The following RBMS3 variants were observed in gnomAD, a reference collection of about 807,000 sequenced individuals.
The protein encoded by RBMS3 is RNA binding motif single stranded interacting protein 3.
In RBMS3, 27 loss-of-function variants were observed where a neutral mutation model predicts 66.8. The observed-to-expected ratio is 0.40, with a 90% CI of 0.30 to 0.56. The LOEUF is 0.56. Ranked by LOEUF, RBMS3 falls within the 20% of genes least tolerant of loss-of-function variation. RBMS3 has a pLI of 0.40. For missense variants in RBMS3, 513 were observed against 549.5 expected, an observed-to-expected ratio of 0.93 and a Z score of 0.66; for synonymous variants, 188 against 183.0, an observed-to-expected ratio of 1.03 and a Z score of -0.22.
intron 1 of RBMS3, among the ~76,000 whole-genome samples, chr3:29,323,438 A>C (rs2125496053): frequency 6.6e-6 from 1 of 152,250 alleles, no homozygotes; most frequent in African/African-American, 2.4e-5. Context: ...CTGATTTAAT[A>C]ATTTGGCAAA....
intron 6 of RBMS3, among the ~76,000 whole-genome samples, chr3:29,791,457 C>T (rs987591943): frequency 6.6e-6 from 1 of 152,152 alleles, no homozygotes; most frequent in Non-Finnish European, 1.5e-5. Context: ...CAGTGGTGTG[C>T]TTTAGCTGAT....
At chr3:29,554,472 G>T (rs2046278937) in intron 3 of RBMS3, among the ~76,000 whole-genome samples, 1 of 152,132 alleles carries the variant, frequency 6.6e-6, no homozygotes, top group African/African-American at 2.4e-5. Context: ...CTTTCCCTCA[G>T]AAGTACTTAT....
intron 7 of RBMS3, among the ~76,000 whole-genome samples, chr3:29,881,000 C>A (rs754391390): frequency 6.8e-6 from 1 of 147,822 alleles, no homozygotes; most frequent in East Asian, 1.9e-4. Context: ...ATAATGTCCC[C>A]GCTCTGAAAT....
intron 4 of RBMS3, among the ~76,000 whole-genome samples, chr3:29,661,466 T>C (rs142006320): frequency 2.9e-4 from 44 of 152,324 alleles, no homozygotes; most frequent in African/African-American, 1.1e-3. Context: ...CTGTTTTTGA[T>C]AGATCTCATT....
intron 1 of RBMS3, among the ~76,000 whole-genome samples, chr3:29,308,117 TTC>T (rs1337399268): frequency 1.3e-5 from 2 of 151,878 alleles, no homozygotes; most frequent in African/African-American, 4.8e-5. Context: ...TAGTATAAAT[TTC>T]TGTTATTTTT....
chr3:29,336,712 T>A (rs987545165), intron 1 of RBMS3, among the ~76,000 whole-genome samples: 2 of 152,136 alleles, frequency 1.3e-5, no homozygotes, highest in Non-Finnish European at 2.9e-5. Flanking sequence ...ATATTATTAG[T>A]CATTCTATAA....
chr3:29,996,682 G>A (rs866865205), intron 14 of RBMS3, among the ~76,000 whole-genome samples: 16 of 152,078 alleles, frequency 1.1e-4, no homozygotes, highest in South Asian at 1.0e-3. Context: ...GGTACATAAC[G>A]AAATGAAGGC....
intron 3 of RBMS3, among the ~76,000 whole-genome samples, chr3:29,579,984 G>T (rs1302920295): frequency 6.6e-6 from 1 of 152,194 alleles, no homozygotes; most frequent in Non-Finnish European, 1.5e-5. Context: ...AATTGAACAT[G>T]ATGAAGAGGA....
chr3:29,497,642 TC>T (rs1222635294), intron 3 of RBMS3, among the ~76,000 whole-genome samples: 3 of 152,122 alleles, frequency 2.0e-5, no homozygotes, highest in Non-Finnish European at 2.9e-5. Context: ...CAAAACCACT[TC>T]CTTTGGGCAC....
intron 3 of RBMS3, among the ~76,000 whole-genome samples, chr3:29,545,244 A>G (rs186976636): frequency 6.6e-5 from 10 of 152,286 alleles, no homozygotes; most frequent in Admixed American, 6.5e-4. Context: ...GAAATAAGCT[A>G]TAAAACATTA....
chr3:29,340,660 T>C (rs949452421), intron 1 of RBMS3, among the ~76,000 whole-genome samples: 3 of 152,166 alleles, frequency 2.0e-5, no homozygotes, highest in Admixed American at 2.0e-4. Flanking sequence ...CTGAATCTAT[T>C]ATAGCACAAG....
chr3:29,559,510 C>CAAAAAAAAAAAAAAAA (rs553520590), intron 3 of RBMS3, among the ~76,000 whole-genome samples: 6 of 41,334 alleles, frequency 1.5e-4, no homozygotes, highest in African/African-American at 2.2e-4. Context: ...GACTCTGTCT[C>CAAAAAAAAAAAAAAAA]AAAAAAAAAA....
At chr3:29,825,244 C>G (rs1013765926) in intron 6 of RBMS3, among the ~76,000 whole-genome samples, 1 of 151,988 alleles carries the variant, frequency 6.6e-6, no homozygotes, top group Admixed American at 6.6e-5. Flanking sequence ...ACCATGTTGG[C>G]CAGACCGGTC....
At chr3:29,903,797 T>C (rs1163889982) in intron 10 of RBMS3, among the ~76,000 whole-genome samples, 1 of 151,924 alleles carries the variant, frequency 6.6e-6, no homozygotes, top group African/African-American at 2.4e-5. Context: ...TTCTAAGAAA[T>C]GCAAGATGCC....
intron 4 of RBMS3, among the ~76,000 whole-genome samples, chr3:29,658,174 TA>T (rs2050392270): frequency 1.3e-5 from 2 of 152,206 alleles, no homozygotes; most frequent in Non-Finnish European, 2.9e-5. Context: ...CAGGAATTAA[TA>T]AAATGATGTT....
At chr3:29,726,566 G>A (rs984759535) in intron 4 of RBMS3, among the ~76,000 whole-genome samples, 14 of 152,016 alleles carry the variant, frequency 9.2e-5, no homozygotes, top group Admixed American at 5.9e-4. Context: ...ACACCAACAA[G>A]ACAAGCAGAG....
intron 6 of RBMS3, among the ~76,000 whole-genome samples, chr3:29,784,671 A>G (rs982716177): frequency 6.6e-6 from 1 of 152,108 alleles, no homozygotes; most frequent in Non-Finnish European, 1.5e-5. Flanking sequence ...ACAGAAGAAA[A>G]TACGTAACAA....
intron 3 of RBMS3, among the ~76,000 whole-genome samples, chr3:29,508,855 G>A (rs1311070058): frequency 1.3e-5 from 2 of 151,548 alleles, no homozygotes; most frequent in South Asian, 2.1e-4. Context: ...ATCCTCTCCA[G>A]CATCTGTTGT....
chr3:29,434,367 T>G (rs1163924659), intron 1 of RBMS3, among the ~76,000 whole-genome samples: 1 of 152,122 alleles, frequency 6.6e-6, no homozygotes, highest in Admixed American at 6.6e-5. Context: ...GCTTGGGTAT[T>G]AAAGGTAAGC....
Sources: gnomAD v4.1 joint callset for allele counts (sites outside exome capture counted in the v4.1 genomes callset) on GRCh38, gnomAD v4.1.1 for gene constraint, MANE v1.5 for transcripts, NCBI Gene and HGNC (gene_info 2026-07-23, HGNC 2026-07-21) for gene names.